ELK3: variants seen among roughly 807,000 people sequenced by gnomAD.
The protein encoded by ELK3 is ETS domain-containing protein Elk-3.
A neutral mutation model predicts 28.9 loss-of-function variants in ELK3; 10 were observed. The observed-to-expected ratio is 0.35, with a 90% CI of 0.21 to 0.59. The LOEUF is 0.59. Among genes scored for constraint, ELK3 ranks in the 20% least tolerant of loss-of-function variants. ELK3 has a pLI of 0.82. For synonymous variants in ELK3, 272 were observed against 243.5 expected, an observed-to-expected ratio of 1.12 and a Z score of -1.09; for missense variants, 463 against 517.3, an observed-to-expected ratio of 0.90 and a Z score of 1.02.
intron 1 of ELK3, among the ~76,000 whole-genome samples, chr12:96,212,249 A>G (rs1388243559): frequency 6.6e-6 from 1 of 152,258 alleles, no homozygotes; most frequent in East Asian, 1.9e-4. Flanking sequence ...GAACTGCGGG[A>G]CGTGCTTCAA....
chr12:96,239,018 C>T (rs965252788), intron 2 of ELK3, among the ~76,000 whole-genome samples: 3 of 152,138 alleles, frequency 2.0e-5, no homozygotes, highest in African/African-American at 7.2e-5. Flanking sequence ...GTTCAAACTT[C>T]GGCTCCACCA....
Position 96,223,577 on chromosome 12 carries a change from C to A in ELK3, c.11C>A (p.Ala4Glu). The change falls in exon 2 of 5, where the codon GCA becomes GAA. Residue 4 changes from alanine to glutamate, a missense_variant. Around this residue, in one of 2 missense-constraint regions of ELK3, gnomAD observed 55 missense variants for 102.5 expected, o/e 0.54. Transcript: ENST00000228741. ...CCTCTCCCTGCAGGTATGGAGAGTGCAATCACGCTGTGGCAGTTCCTGTTG... is the reference window on the plus strand; with the variant it reads ...CCTCTCCCTGCAGGTATGGAGAGTGAAATCACGCTGTGGCAGTTCCTGTTG... MES[A>E]ITLWQFLLQL... 6.2e-7 allele frequency: 1 copy of A among 1,614,094 alleles called. No individual in the cohort carries two copies. Among genetic ancestry groups the A allele is most frequent in the African/African-American group, 1.3e-5 (1 of 75,044 alleles).
At chr12:96,244,971 G>A (rs148239022) in intron 2 of ELK3, among the ~76,000 whole-genome samples, 37 of 152,212 alleles carry the variant, frequency 2.4e-4, no homozygotes, top group African/African-American at 7.9e-4. Context: ...GGTCGCTGGC[G>A]TAAATGAGAC....
intron 2 of ELK3, among the ~76,000 whole-genome samples, chr12:96,224,459 A>G (rs1358986232): frequency 3.3e-5 from 5 of 152,132 alleles, no homozygotes; most frequent in Admixed American, 1.3e-4. Flanking sequence ...GCCATTACAT[A>G]TAAGTACTTA....
chr12:96,200,432 A>C (rs1951501222), intron 1 of ELK3, among the ~76,000 whole-genome samples: 1 of 152,074 alleles, frequency 6.6e-6, no homozygotes, highest in South Asian at 2.1e-4. Context: ...CGCAGATCTT[A>C]AGTGTTATTG....
At chr12:96,237,646 T>C (rs1184790966) in intron 2 of ELK3, among the ~76,000 whole-genome samples, 5 of 152,178 alleles carry the variant, frequency 3.3e-5, no homozygotes, top group Non-Finnish European at 7.3e-5. Context: ...CCAGGTGTGG[T>C]GGCTTGAACC....
In ELK3 at chr12:96,247,638, C is replaced by A. The variant is rs1354382864; in HGVS notation, c.906C>A (p.Pro302=). ...KKPKGLEISA[P]PLVLSGTDIG... is the part of the protein sequence containing the mutation. ...CCAAAGGCTTGGAAATCTCAGCGCC[C>A]CCGCTGGTGCTCTCCGGCACCGACA... is the stretch of plus-strand genomic sequence containing the variant. Residue 302 remains proline (P), a synonymous_variant, in exon 3 of 5, where the codon CCC becomes CCA. Transcript: ENST00000228741. The surrounding 1 kb of genome is among the most constrained non-coding windows in gnomAD (Gnocchi z 5.5). The A allele has an allele frequency of 6.2e-7, 1 of 1,613,088 alleles. No individual in the cohort carries two copies.
At chr12:96,260,638 CCTT>C (rs375227467) in intron 4 of ELK3, among the ~76,000 whole-genome samples, 21 of 152,300 alleles carry the variant, frequency 1.4e-4, no homozygotes, top group African/African-American at 4.1e-4. Context: ...AGTATTTCCT[CCTT>C]GAGACCCATA....
chr12:96,224,153 C>G (rs1439473980), intron 2 of ELK3, among the ~76,000 whole-genome samples: 1 of 152,260 alleles, frequency 6.6e-6, no homozygotes, highest in East Asian at 1.9e-4. Flanking sequence ...ATTAAAGGGA[C>G]CTTTCCTGGA....
intron 1 of ELK3, among the ~76,000 whole-genome samples, chr12:96,203,427 C>T (rs1055915783): frequency 6.6e-6 from 1 of 152,310 alleles, no homozygotes; most frequent in East Asian, 1.9e-4. Flanking sequence ...TCTGGGCCTG[C>T]GTCCGTTTTT....
intron 2 of ELK3, among the ~76,000 whole-genome samples, chr12:96,246,276 T>C (rs1331928920): frequency 6.6e-6 from 1 of 152,198 alleles, no homozygotes; most frequent in African/African-American, 2.4e-5. Flanking sequence ...TTCCAAATTT[T>C]TAAAATAGGA....
intron 1 of ELK3, among the ~76,000 whole-genome samples, chr12:96,200,392 G>A (rs2136998375): frequency 6.6e-6 from 1 of 151,946 alleles, no homozygotes; most frequent in Non-Finnish European, 1.5e-5. Flanking sequence ...TTTTTTTTAA[G>A]TTGAGGTATG....
At chr12:96,229,723 G>C (rs1157634533) in intron 2 of ELK3, among the ~76,000 whole-genome samples, 1 of 151,642 alleles carries the variant, frequency 6.6e-6, no homozygotes, top group Non-Finnish European at 1.5e-5. Flanking sequence ...GTAGAGATGG[G>C]GTTTCAATAT....
intron 2 of ELK3, among the ~76,000 whole-genome samples, chr12:96,231,703 C>T (rs1441755527): frequency 2.6e-5 from 4 of 152,146 alleles, no homozygotes; most frequent in Non-Finnish European, 4.4e-5. Context: ...AGACTAGTCT[C>T]GAACTCCTGA....
Position 96,247,744 on chromosome 12 carries a change from A to T in ELK3, c.1002+10A>T, listed in dbSNP as rs1221922813. On this transcript the variant is annotated intron_variant, in intron 3 of 4. Coordinates refer to ENST00000228741, the MANE Select transcript of ELK3 (RefSeq NM_005230.4). The surrounding 1 kb of genome is among the most constrained non-coding windows in gnomAD (Gnocchi z 5.5). ...CTTCTTCACCGCACAGGTAAGAGTC[A>T]TTCCTGTCATCTAAGCCACAGCCAG... is the stretch of plus-strand genomic sequence containing the variant. 2 of 1,523,318 alleles carry T rather than the reference A, an allele frequency of 1.3e-6. No homozygotes were observed. Among genetic ancestry groups the T allele is most frequent in the Non-Finnish European group, 1.8e-6 (2 of 1,138,684 alleles). The allele number at this position is 1,523,318 out of a possible 1,614,324, so 94.4% of individuals were successfully genotyped here. A position where few individuals can be genotyped will look rare whatever the true frequency, so the allele number is the denominator to read the frequency against.
At chr12:96,266,838 C>T (rs1952035797) in intron 4 of ELK3, among the ~76,000 whole-genome samples, 1 of 152,136 alleles carries the variant, frequency 6.6e-6, no homozygotes. Flanking sequence ...TATATTTTTT[C>T]CTAGTAGCCT....
rs193232396 is a variant in ELK3, at chr12:96,194,627, C to G, written c.-81C>G. 0.013 allele frequency: 2,025 copies of G among 150,468 alleles called. 45 individuals are homozygous for G. Among genetic ancestry groups the G allele is most frequent in the Admixed American group, 0.056 (850 of 15,140 alleles). 9.3% of individuals were successfully genotyped at this position (150,468 alleles called of 1,614,324 possible). On this transcript the variant is annotated 5_prime_UTR_variant, in exon 1 of 5. Transcript: ENST00000228741. ...AAGAGCCACAGACCGTCTGCAGACG[C>G]CTGTCAGCATGGAAAGTCGGGGGCT...
chr12:96,268,279 G>T lies in ELK3; in HGVS notation c.*1099G>T, dbSNP rs1402320966. Reference sequence around the variant, plus strand: ...ACTTGCTGTAATACAAATAGAGAGTGGAGGTACTAAAGGCCTTGCTTGTGG... The same window carrying T: ...ACTTGCTGTAATACAAATAGAGAGTTGAGGTACTAAAGGCCTTGCTTGTGG... On this transcript the variant is annotated 3_prime_UTR_variant, in exon 5 of 5. Coordinates refer to ENST00000228741, the MANE Select transcript of ELK3 (RefSeq NM_005230.4). 1 of 152,166 alleles carries T rather than the reference G, an allele frequency of 6.6e-6. No homozygotes were observed. Among genetic ancestry groups the T allele is most frequent in the African/African-American group, 2.4e-5 (1 of 41,424 alleles). 9.4% of individuals were successfully genotyped at this position (152,166 alleles called of 1,614,324 possible).
chr12:96,196,644 C>T (rs1259389591), intron 1 of ELK3, among the ~76,000 whole-genome samples: 1 of 151,562 alleles, frequency 6.6e-6, no homozygotes, highest in Admixed American at 6.6e-5. Context: ...CATAAGTGTT[C>T]TTAGAGTTTC....
Sources: gnomAD v4.1 joint callset for allele counts (sites outside exome capture counted in the v4.1 genomes callset) on GRCh38, gnomAD v4.1.1 for gene constraint, gnomAD v4.1.1 regional missense constraint, Gnocchi (gnomAD v3.1) non-coding constraint, MANE v1.5 for transcripts, NCBI Gene and HGNC (gene_info 2026-07-23, HGNC 2026-07-21) for gene names.